The following ATF7IP variants were observed in gnomAD, a reference collection of about 807,000 sequenced individuals.
ATF7IP encodes the protein activating transcription factor 7-interacting protein 1.
Under a neutral mutation model 106.4 loss-of-function variants are expected in ATF7IP, and 23 were observed. That is an observed-to-expected ratio of 0.22 (90% CI 0.16 to 0.31). ATF7IP has a LOEUF of 0.31. Among genes scored for constraint, ATF7IP ranks in the 10% least tolerant of loss-of-function variants. ATF7IP has a pLI of 1.00. For synonymous variants in ATF7IP, 542 were observed against 539.0 expected, an observed-to-expected ratio of 1.01 and a Z score of -0.08; for missense variants, 1,334 against 1,524.3, an observed-to-expected ratio of 0.88 and a Z score of 2.08.
chr12:14,478,404 C>T lies in ATF7IP; in HGVS notation c.3029C>T (p.Pro1010Leu), dbSNP rs147638471. The change falls in exon 12 of 15, where the codon CCG becomes CTG. Residue 1010 changes from proline (P) to leucine (L), a missense_variant. Pro to Leu is a moderately conservative substitution (Grantham distance 98, BLOSUM62 -3). Transcript: ENST00000261168. Reference protein sequence around the residue: ...SRPLQPIQPAPPLQPSGVPTS... With the variant: ...SRPLQPIQPALPLQPSGVPTS... ...CCATTGCAACCCATACAACCAGCAC[C>T]GCCTCTTCAACCATCTGGGGTGCCA... 70 of 1,614,068 alleles carry T rather than the reference C, an allele frequency of 4.3e-5. No homozygotes were observed. Among genetic ancestry groups the T allele is most frequent in the Middle Eastern group, 1.6e-4 (1 of 6,062 alleles).
chr12:14,421,635 C>T (rs1272141465), intron 1 of ATF7IP, among the ~76,000 whole-genome samples: 2 of 152,092 alleles, frequency 1.3e-5, no homozygotes, highest in Non-Finnish European at 2.9e-5. Flanking sequence ...ACCTTGATTA[C>T]CACTGTAAAG....
chr12:14,409,392 A>G (rs1177226336), intron 1 of ATF7IP, among the ~76,000 whole-genome samples: 7 of 152,160 alleles, frequency 4.6e-5, no homozygotes, highest in Non-Finnish European at 8.8e-5. Context: ...CCTTTTGGTT[A>G]TAGTACCATT....
chr12:14,413,658 T>A (rs903004129), intron 1 of ATF7IP, among the ~76,000 whole-genome samples: 3 of 152,192 alleles, frequency 2.0e-5, no homozygotes, highest in African/African-American at 7.2e-5. Flanking sequence ...GAAATTAATA[T>A]AAATTATCAC....
intron 1 of ATF7IP, among the ~76,000 whole-genome samples, chr12:14,401,743 A>T (rs1591795316): frequency 8.8e-6 from 1 of 113,890 alleles, no homozygotes; most frequent in African/African-American, 3.3e-5. Flanking sequence ...TTTGATATGG[A>T]ATCTCGCTGT....
chr12:14,411,030 A>G (rs1940886000), intron 1 of ATF7IP, among the ~76,000 whole-genome samples: 1 of 152,180 alleles, frequency 6.6e-6, no homozygotes, highest in East Asian at 1.9e-4. Context: ...TTCATTAGTC[A>G]CAGGGCATTT....
intron 1 of ATF7IP, among the ~76,000 whole-genome samples, chr12:14,401,115 T>A (rs1006910349): frequency 6.6e-6 from 1 of 152,232 alleles, no homozygotes; most frequent in African/African-American, 2.4e-5. Context: ...GTCTAGTGTC[T>A]TTGCTATTAT....
intron 1 of ATF7IP, among the ~76,000 whole-genome samples, chr12:14,391,037 A>C (rs1358862431): frequency 6.6e-6 from 1 of 152,186 alleles, no homozygotes; most frequent in Non-Finnish European, 1.5e-5. Flanking sequence ...GGAAACAGTG[A>C]CTCCCCTGCT....
intron 1 of ATF7IP, among the ~76,000 whole-genome samples, chr12:14,372,061 A>G (rs1424551977): frequency 1.3e-5 from 2 of 152,126 alleles, no homozygotes; most frequent in South Asian, 2.1e-4. Context: ...TTCCTAGAGT[A>G]CTTAGAAATT....
intron 6 of ATF7IP, among the ~76,000 whole-genome samples, chr12:14,447,851 T>G (rs1259861443): frequency 6.6e-6 from 1 of 152,172 alleles, no homozygotes; most frequent in East Asian, 1.9e-4. Context: ...TTAAACAGTT[T>G]GAATATTTTT....
At chr12:14,473,850 A>C (rs553105734) in intron 10 of ATF7IP, among the ~76,000 whole-genome samples, 1 of 151,426 alleles carries the variant, frequency 6.6e-6, no homozygotes, top group South Asian at 2.1e-4. Flanking sequence ...ATGTTGTTCC[A>C]GTGTCTTCTT....
At chr12:14,490,038 A>C (rs995425378) in intron 13 of ATF7IP, among the ~76,000 whole-genome samples, 2 of 152,196 alleles carry the variant, frequency 1.3e-5, no homozygotes, top group African/African-American at 4.8e-5. Context: ...GCGAGGGCTC[A>C]GTGTTGGTCT....
At chr12:14,483,417 C>A (rs540319758) in intron 13 of ATF7IP, among the ~76,000 whole-genome samples, 1 of 152,108 alleles carries the variant, frequency 6.6e-6, no homozygotes, top group Admixed American at 6.5e-5. Context: ...CTAACTCCTT[C>A]GCTAGCCTGT....
intron 2 of ATF7IP, 133 bp from the exon 3 acceptor site, chr12:14,434,204 C>T: frequency 1.7e-6 from 1 of 591,814 alleles, no homozygotes; most frequent in Non-Finnish European, 3.0e-6. Context: ...TTCCCCTCCC[C>T]AAATTTTACA....
intron 9 of ATF7IP, among the ~76,000 whole-genome samples, chr12:14,464,280 G>A (rs1041971987): frequency 3.3e-5 from 5 of 152,184 alleles, no homozygotes; most frequent in African/African-American, 7.2e-5. Flanking sequence ...AGCCATGGTC[G>A]TGCCACTGCA....
At chr12:14,422,220 A>G (rs1452669859) in intron 1 of ATF7IP, among the ~76,000 whole-genome samples, 1 of 152,120 alleles carries the variant, frequency 6.6e-6, no homozygotes, top group African/African-American at 2.4e-5. Context: ...AAGCAGATAT[A>G]AAACCAAGAA....
In ATF7IP at chr12:14,424,325, G is replaced by T; in HGVS notation, c.410G>T (p.Gly137Val). ...CCAGTTTCTGGTGATCCAGCCCCTG[G>T]TGATCTGGATGCCGGAGATCCAGCC... The part of the protein sequence containing the change: ...AEPVSGDPAP[G>V]DLDAGDPASG... The change falls in exon 2 of 15, where the codon GGT becomes GTT. Residue 137 changes from glycine (G) to valine (V), a missense_variant. Physicochemically the swap from Gly to Val is moderately radical, Grantham distance 109. Transcript: ENST00000261168. 6.2e-7 allele frequency: 1 copy of T among 1,614,190 alleles called. No individual in the cohort carries two copies. The highest frequency in any genetic ancestry group is 8.5e-7 in the Non-Finnish European group (1 of 1,180,026).
chr12:14,476,767 A>G (rs1944277991), intron 11 of ATF7IP, among the ~76,000 whole-genome samples: 1 of 152,190 alleles, frequency 6.6e-6, no homozygotes, highest in Admixed American at 6.5e-5. Flanking sequence ...TCTTTTATCT[A>G]GCATTATATA....
At chr12:14,405,155 T>TATGA (rs1940491136) in intron 1 of ATF7IP, among the ~76,000 whole-genome samples, 4 of 151,306 alleles carry the variant, frequency 2.6e-5, no homozygotes, top group African/African-American at 7.2e-5. Flanking sequence ...CATTCTTTGT[T>TATGA]GTATGCCCAG....
intron 1 of ATF7IP, among the ~76,000 whole-genome samples, chr12:14,379,985 G>A (rs1458316252): frequency 6.6e-6 from 1 of 152,080 alleles, no homozygotes; most frequent in Non-Finnish European, 1.5e-5. Flanking sequence ...CATTGGTGAT[G>A]TATTTGTGTG....
Sources: gnomAD v4.1 joint callset for allele counts (sites outside exome capture counted in the v4.1 genomes callset) on GRCh38, gnomAD v4.1.1 for gene constraint, MANE v1.5 for transcripts, NCBI Gene and HGNC (gene_info 2026-07-23, HGNC 2026-07-21) for gene names.